Variants in HAT1 observed in about 807,000 individuals in gnomAD.
HAT1 encodes the protein histone acetyltransferase type B catalytic subunit.
In HAT1, 20 loss-of-function variants were observed where a neutral mutation model predicts 56.6. That is an observed-to-expected ratio of 0.35 (90% CI 0.25 to 0.51). The LOEUF is 0.51. Ranked by LOEUF, HAT1 falls within the 20% of genes least tolerant of loss-of-function variation. The probability of loss-of-function intolerance (pLI) is 0.95; values close to 1 mark genes in which losing one functional copy is unlikely to be tolerated. For missense variants in HAT1, 408 were observed against 504.3 expected (o/e 0.81, Z 1.83); for synonymous variants, 146 against 165.5 (o/e 0.88, Z 0.91).
chr2:171,925,556 A>AT lies in HAT1; in HGVS notation c.32dup (p.Leu11PhefsTer5). ...TCTTAGGATTTGGTGCTATGGAGAA[A>AT]TTTTTGGTAGAATATAAGAGTGCAG... On this transcript the variant is annotated frameshift_variant, in exon 2 of 11. Coordinates refer to ENST00000264108, the MANE Select transcript of HAT1 (RefSeq NM_003642.4). LOFTEE classifies it high-confidence loss of function. 1.3e-6 allele frequency: 2 copies of AT among 1,544,776 alleles called. No homozygotes were observed. The highest frequency in any genetic ancestry group is 1.8e-6 in the Non-Finnish European group (2 of 1,117,108).
At position 171,971,071 on chromosome 2, in the gene HAT1, C is replaced by T. The variant is rs564265221; in HGVS notation, c.823+4122C>T. ...AAAATTAGCCAGGCGTGATGGTGGG[C>T]GCCCTGTAGTCCCAGCTACTTGGGA... On this transcript the variant is annotated intron_variant, in intron 8 of 10. Transcript: ENST00000264108. 1.5e-3 allele frequency among the ~76,000 whole-genome samples: 222 copies of T among 151,988 alleles called. 1 individual carries two copies. The highest frequency in any genetic ancestry group is 5.3e-3 in the African/African-American group (218 of 41,488).
At chr2:171,945,893 C>T (rs1687151553) in intron 2 of HAT1, among the ~76,000 whole-genome samples, 1 of 152,192 alleles carries the variant, frequency 6.6e-6, no homozygotes, top group Non-Finnish European at 1.5e-5. Flanking sequence ...TGGTCTTGAA[C>T]TCCTGACCTC....
At chr2:171,933,197 C>T (rs1686787391) in intron 2 of HAT1, among the ~76,000 whole-genome samples, 1 of 152,092 alleles carries the variant, frequency 6.6e-6, no homozygotes, top group African/African-American at 2.4e-5. Context: ...GCTGGGACTA[C>T]AGGTGTACAC....
chr2:171,943,943 T>C (rs1212159888), intron 2 of HAT1, among the ~76,000 whole-genome samples: 2 of 151,922 alleles, frequency 1.3e-5, no homozygotes, highest in Non-Finnish European at 1.5e-5. Context: ...AGCCCAGAAA[T>C]TGGATACGAG....
chr2:171,953,311 A>G (rs1687356200), intron 4 of HAT1, among the ~76,000 whole-genome samples: 1 of 151,920 alleles, frequency 6.6e-6, no homozygotes, highest in South Asian at 2.1e-4. Context: ...ATGCCACTGT[A>G]CTACAGCCTG....
At position 171,983,464 on chromosome 2, in the gene HAT1, A is replaced by C; in HGVS notation, c.*112A>C. ...TGACATTTTGCTTATACTAAAAGTTATCTATCTTTAGTTGAATATTTTCTT... is the reference window on the plus strand; with the variant it reads ...TGACATTTTGCTTATACTAAAAGTTCTCTATCTTTAGTTGAATATTTTCTT... On this transcript the variant is annotated 3_prime_UTR_variant, in exon 11 of 11. Transcript: ENST00000264108. The C allele has an allele frequency of 1.9e-6, 1 of 514,652 alleles. No individual in the cohort carries two copies. Among genetic ancestry groups the C allele is most frequent in the Non-Finnish European group, 3.5e-6 (1 of 289,020 alleles). The allele number at this position is 514,652 out of a possible 1,614,324, so 31.9% of individuals were successfully genotyped here.
At chr2:171,982,162 T>C (rs1406763417) in intron 10 of HAT1, among the ~76,000 whole-genome samples, 1 of 145,960 alleles carries the variant, frequency 6.9e-6, no homozygotes, top group East Asian at 1.9e-4. Context: ...TTTTATATTA[T>C]TATTAAGTAC....
At chr2:171,974,253 CT>C (rs1243675145) in intron 8 of HAT1, among the ~76,000 whole-genome samples, 1 of 128,684 alleles carries the variant, frequency 7.8e-6, no homozygotes, top group Admixed American at 7.9e-5. Flanking sequence ...TCTTTTAAAA[CT>C]TTTCTCAACA....
At chr2:171,967,829 T>C (rs1041651118) in intron 8 of HAT1, among the ~76,000 whole-genome samples, 2 of 152,076 alleles carry the variant, frequency 1.3e-5, no homozygotes, top group Non-Finnish European at 2.9e-5. Context: ...TAACATGCAC[T>C]AAAACATTAA....
rs971742793 is a variant in HAT1 at position 171,948,413 on chromosome 2, C to T, written c.188+1630C>T. ...CTAATTTTTGTATTTTTAGTAGAGA[C>T]GGGGTTTCACCATCTTGGTCAGGTT... On this transcript the variant is annotated intron_variant, in intron 3 of 10. Transcript: ENST00000264108. 4.6e-5 allele frequency among the ~76,000 whole-genome samples: 7 copies of T among 152,174 alleles called. No individual in the cohort carries two copies. In the East Asian group the frequency reaches 1.2e-3, roughly 25 times the overall value.
rs780442943 is a variant in HAT1 at position 171,965,947 on chromosome 2, T to C, written c.611+39T>C. 16 of 1,564,174 alleles carry C rather than the reference T, an allele frequency of 1.0e-5. No homozygotes were observed. The Admixed American group carries it at 3.0e-4, about 29-fold the overall frequency. ...TAAAGCAACAGTAGACCTTATTACC[T>C]CCACAAAGCCAGCATTTTAATTGTG... is the stretch of plus-strand genomic sequence containing the variant. On this transcript the variant is annotated intron_variant, in intron 6 of 10. Transcript: ENST00000264108.
chr2:171,930,083 T>G (rs557651447), intron 2 of HAT1, among the ~76,000 whole-genome samples: 1 of 152,326 alleles, frequency 6.6e-6, no homozygotes, highest in Admixed American at 6.5e-5. Context: ...TGTTTCAGGT[T>G]TTCAGTCTTG....
chr2:171,942,921 T>G (rs193060248), intron 2 of HAT1, among the ~76,000 whole-genome samples: 1 of 152,322 alleles, frequency 6.6e-6, no homozygotes, highest in Admixed American at 6.5e-5. Context: ...CTTTTCTCTA[T>G]GTCTTTTTAC....
chr2:171,954,687 A>G (rs571831497), intron 4 of HAT1, among the ~76,000 whole-genome samples: 2 of 152,336 alleles, frequency 1.3e-5, no homozygotes, highest in South Asian at 4.1e-4. Flanking sequence ...CTCCATCTCA[A>G]AAAAAGAGAG....
intron 2 of HAT1, among the ~76,000 whole-genome samples, chr2:171,926,720 C>T (rs187752497): frequency 6.6e-6 from 1 of 152,338 alleles, no homozygotes; most frequent in African/African-American, 2.4e-5. Flanking sequence ...TGAGCCACAG[C>T]GCCCCTCCTG....
At chr2:171,966,706 A>C in intron 7 of HAT1, 137 bp from the exon 8 acceptor site, 1 of 628,234 alleles carries the variant, frequency 1.6e-6, no homozygotes, top group Non-Finnish European at 2.8e-6. Context: ...GTATCTTGAT[A>C]ATTTTTGGGT....
Position 171,976,175 on chromosome 2 carries a change from G to A in HAT1, c.842G>A (p.Ser281Asn). 6.3e-7 allele frequency: 1 copy of A among 1,583,956 alleles called. No homozygotes were observed. Among genetic ancestry groups the A allele is most frequent in the Non-Finnish European group, 8.6e-7 (1 of 1,164,564 alleles). ...LDITAEDPSKSYVKLRDFVLV... is the reference protein window; with the variant it reads ...LDITAEDPSKNYVKLRDFVLV... ...TATTTAGCGGAAGATCCATCCAAAA[G>A]CTATGTGAAATTACGAGACTTTGTG... Residue 281 changes from serine (S) to asparagine (N), a missense_variant, in exon 9 of 11, where the codon AGC becomes AAC. By Grantham distance (46) the Ser-to-Asn change is conservative (BLOSUM62 1). Transcript: ENST00000264108.
chr2:171,955,617 A>AAAAT (rs200706048), intron 4 of HAT1, among the ~76,000 whole-genome samples: 73 of 152,144 alleles, frequency 4.8e-4, no homozygotes, highest in Middle Eastern at 6.8e-3. Flanking sequence ...CTCCATCTCA[A>AAAAT]AAATAAATAA....
rs1382709524 is a variant in HAT1 at position 171,979,407 on chromosome 2, T to G, written c.1092+44T>G. ...TTAAACACTGTATTCTTTTCACTGT[T>G]TAAAACAGAAGAAAAGCTACCAAAT... On this transcript the variant is annotated intron_variant, in intron 10 of 10. Transcript: ENST00000264108. 3 of 939,104 alleles carry G rather than the reference T, an allele frequency of 3.2e-6. No homozygotes were observed. The South Asian group carries it at 4.0e-5, about 13-fold the overall frequency. 58.2% of individuals were successfully genotyped at this position (939,104 alleles called of 1,614,324 possible).
Sources: allele counts gnomAD v4.1 joint callset (sites outside exome capture counted in the v4.1 genomes callset), GRCh38; gene constraint gnomAD v4.1.1; transcripts MANE v1.5; gene names NCBI Gene and HGNC (gene_info 2026-07-23, HGNC 2026-07-21).